The following ARID5B variants were observed in gnomAD, a reference collection of about 807,000 sequenced individuals.
ARID5B encodes AT-rich interaction domain 5B, also known as AT-rich interactive domain-containing protein 5B.
ARID5B carries 13 observed loss-of-function variants against 97.2 expected under a neutral mutation model. The ratio of observed to expected loss-of-function variants is 0.13; its 90% CI spans 0.09 to 0.21. The LOEUF (loss-of-function observed/expected upper bound fraction) is 0.21, where lower values mean the gene tolerates loss of function less well. Among genes scored for constraint, ARID5B ranks in the 10% least tolerant of loss-of-function variants. The probability of loss-of-function intolerance (pLI) is 1.00; values close to 1 mark genes in which losing one functional copy is unlikely to be tolerated. For synonymous variants in ARID5B, 556 were observed against 570.3 expected, an observed-to-expected ratio of 0.97 and a Z score of 0.36; for missense variants, 1,210 against 1,465.3, an observed-to-expected ratio of 0.83 and a Z score of 2.84.
chr10:62,036,039 G>A (rs1276928687), intron 4 of ARID5B, among the ~76,000 whole-genome samples: 1 of 152,000 alleles, frequency 6.6e-6, no homozygotes, highest in African/African-American at 2.4e-5. Context: ...TGGCCAGGCT[G>A]GTCTTGAACT....
At chr10:61,960,275 A>T (rs983935929) in intron 3 of ARID5B, among the ~76,000 whole-genome samples, 4 of 152,198 alleles carry the variant, frequency 2.6e-5, no homozygotes, top group African/African-American at 9.7e-5. Context: ...TTCAGTAGTT[A>T]CTTTCTCTTT....
intron 4 of ARID5B, among the ~76,000 whole-genome samples, chr10:62,047,197 C>A (rs1394208684): frequency 6.6e-6 from 1 of 152,118 alleles, no homozygotes. Flanking sequence ...AAGGATCATG[C>A]CTTCCTCTTT....
intron 2 of ARID5B, among the ~76,000 whole-genome samples, chr10:61,934,192 A>C (rs1440698528): frequency 6.6e-6 from 1 of 152,152 alleles, no homozygotes; most frequent in African/African-American, 2.4e-5. Context: ...GCTTTCGTAG[A>C]ATTGAAGAGA....
At chr10:61,988,936 C>CTTTTTTTTTTTTTTTT (rs61016394) in intron 3 of ARID5B, among the ~76,000 whole-genome samples, 2 of 122,262 alleles carry the variant, frequency 1.6e-5, no homozygotes, top group Non-Finnish European at 3.2e-5. Context: ...TTTTCTTTTA[C>CTTTTTTTTTTTTTTTT]TTTTTTTTTT....
chr10:61,994,312 G>A (rs540874532), intron 3 of ARID5B, among the ~76,000 whole-genome samples: 1 of 152,140 alleles, frequency 6.6e-6, no homozygotes, highest in South Asian at 2.1e-4. Context: ...TTTTCAGTAA[G>A]CATAATAGTG....
chr10:62,073,428 G>A (rs532547803), intron 8 of ARID5B, among the ~76,000 whole-genome samples: 3 of 152,352 alleles, frequency 2.0e-5, no homozygotes, highest in East Asian at 1.9e-4. Flanking sequence ...TAATGAAAGT[G>A]TGGGTTGTTG....
At chr10:62,030,514 G>A (rs1481280145) in intron 4 of ARID5B, among the ~76,000 whole-genome samples, 1 of 152,206 alleles carries the variant, frequency 6.6e-6, no homozygotes, top group Non-Finnish European at 1.5e-5. Context: ...GCCTAAGAGT[G>A]AGGATTTGTC....
At chr10:62,034,172 A>G (rs1326058236) in intron 4 of ARID5B, among the ~76,000 whole-genome samples, 2 of 152,224 alleles carry the variant, frequency 1.3e-5, no homozygotes, top group Non-Finnish European at 2.9e-5. Flanking sequence ...ATGATTTCAT[A>G]AAACTGGTAT....
intron 4 of ARID5B, among the ~76,000 whole-genome samples, chr10:62,029,885 T>C (rs1165356171): frequency 2.6e-5 from 4 of 152,188 alleles, no homozygotes; most frequent in East Asian, 3.8e-4. Flanking sequence ...CCTTTAACGA[T>C]GTGGGGGTAA....
intron 3 of ARID5B, among the ~76,000 whole-genome samples, chr10:61,945,993 A>G (rs894882222): frequency 6.7e-6 from 1 of 148,294 alleles, no homozygotes; most frequent in Admixed American, 6.8e-5. Flanking sequence ...ATATATGACT[A>G]TTATTTTAAT....
chr10:61,966,176 A>G (rs906009321), intron 3 of ARID5B, among the ~76,000 whole-genome samples: 2 of 152,194 alleles, frequency 1.3e-5, no homozygotes, highest in East Asian at 3.8e-4. Context: ...CTGGTTGTAT[A>G]CAATGCGTCA....
At chr10:61,940,464 G>T in intron 3 of ARID5B, 56 bp downstream of exon 3, 1 of 1,462,238 alleles carries the variant, frequency 6.8e-7, no homozygotes, top group South Asian at 1.2e-5. Flanking sequence ...GTAACTTTTC[G>T]GTTGAAGATT....
intron 3 of ARID5B, among the ~76,000 whole-genome samples, chr10:61,987,223 C>T (rs1589247366): frequency 6.6e-6 from 1 of 152,180 alleles, no homozygotes; most frequent in South Asian, 2.1e-4. Flanking sequence ...AATGATACAA[C>T]ATTCAGGGGT....
intron 3 of ARID5B, among the ~76,000 whole-genome samples, chr10:61,944,010 G>C (rs975527920): frequency 5.3e-5 from 8 of 152,156 alleles, no homozygotes; most frequent in Middle Eastern, 3.4e-3. Context: ...CTGGATAGTG[G>C]AAAAACTAAT....
At position 62,095,483 on chromosome 10, in the gene ARID5B, T is replaced by C. The variant is rs762055502; in HGVS notation, c.*2453T>C. The C allele has an allele frequency of 1.7e-5, 4 of 233,586 alleles. No individual in the cohort carries two copies. The highest frequency in any genetic ancestry group is 2.5e-5 in the Non-Finnish European group (3 of 118,024). 14.5% of individuals were successfully genotyped at this position (233,586 alleles called of 1,614,324 possible). ...TCAGTCTGGTTTCATCATGTTGGAA[T>C]TCGATCACACCATTTTCAAACAATG... On this transcript the variant is annotated 3_prime_UTR_variant, in exon 10 of 10. Transcript: ENST00000279873.
chr10:61,902,705 G>GTGTGTA lies in ARID5B; in HGVS notation c.276+297_276+298insATGTGT, dbSNP rs1554836067. On this transcript the variant is annotated intron_variant, in intron 2 of 9. Transcript: ENST00000279873. ...TGTGTGTGTGTGTGTGTGTGTGTAT[G>GTGTGTA]TGTGTGTGTGTGTTCATTTGCTCTC... Among the ~76,000 whole-genome samples the GTGTGTA allele has an allele frequency of 3.8e-3, 560 of 146,064 alleles. 2 individuals are homozygous for GTGTGTA. Among genetic ancestry groups the GTGTGTA allele is most frequent in the African/African-American group, 0.013 (532 of 39,968 alleles).
At chr10:62,011,227 G>C (rs1216089808) in intron 4 of ARID5B, among the ~76,000 whole-genome samples, 6 of 152,150 alleles carry the variant, frequency 3.9e-5, no homozygotes, top group African/African-American at 1.4e-4. Context: ...TGAAGTAGGA[G>C]ATCAAATCTT....
intron 2 of ARID5B, among the ~76,000 whole-genome samples, chr10:61,918,674 G>T (rs1474780467): frequency 4.6e-5 from 7 of 152,148 alleles, no homozygotes; most frequent in African/African-American, 1.7e-4. Flanking sequence ...CTATATCTGT[G>T]ATTTCCAGTC....
chr10:62,060,657 G>T (rs1486041618), intron 7 of ARID5B, among the ~76,000 whole-genome samples: 1 of 152,064 alleles, frequency 6.6e-6, no homozygotes, highest in Non-Finnish European at 1.5e-5. Context: ...AAAAAAAAAT[G>T]GTAACTTATT....
Sources: allele counts gnomAD v4.1 joint callset (sites outside exome capture counted in the v4.1 genomes callset), GRCh38; gene constraint gnomAD v4.1.1; transcripts MANE v1.5; gene names NCBI Gene and HGNC (gene_info 2026-07-23, HGNC 2026-07-21).